Variants in MOB4 observed in about 807,000 individuals in gnomAD.
The protein encoded by MOB4 is MOB family member 4, phocein, also known as MOB-like protein phocein.
Under a neutral mutation model 32.2 loss-of-function variants are expected in MOB4, and 4 were observed. The observed-to-expected ratio is 0.12, with a 90% CI of 0.06 to 0.28. The LOEUF is 0.28. MOB4 is among the 10% of genes least tolerant of loss of function. The pLI is 1.00. For synonymous variants in MOB4, 88 were observed against 88.1 expected (o/e 1.00, Z 0.01); for missense variants, 158 against 271.2 (o/e 0.58, Z 2.93).
chr2:197,532,486 G>GGGTCTTGAATTAGCCTAGGC (rs1262780358), intron 2 of MOB4, among the ~76,000 whole-genome samples: 3 of 151,962 alleles, frequency 2.0e-5, no homozygotes, highest in African/African-American at 4.8e-5. Context: ...CTAGCTTAAG[G>GGGTCTTGAATTAGCCTAGGC]GGTCTTGAAT....
intron 1 of MOB4, among the ~76,000 whole-genome samples, chr2:197,520,986 A>T (rs1161291601): frequency 6.6e-6 from 1 of 151,672 alleles, no homozygotes; most frequent in Non-Finnish European, 1.5e-5. Context: ...TCTTTTTAAA[A>T]TTTTTGTGGG....
chr2:197,517,827 A>C (rs912894134), intron 1 of MOB4, among the ~76,000 whole-genome samples: 2 of 152,186 alleles, frequency 1.3e-5, no homozygotes, highest in East Asian at 3.8e-4. Context: ...CTATTGGGTC[A>C]AAAGAAAAAA....
chr2:197,547,704 T>C (rs1386073984), intron 5 of MOB4, among the ~76,000 whole-genome samples: 1 of 152,204 alleles, frequency 6.6e-6, no homozygotes, highest in East Asian at 1.9e-4. Flanking sequence ...GTTGACTCCC[T>C]GGTTTGTTTC....
rs2087092416 is a variant in MOB4 at position 197,551,228 on chromosome 2, C to T, written c.*582C>T. The T allele has an allele frequency of 6.6e-6, 1 of 152,300 alleles. No individual in the cohort carries two copies. Among genetic ancestry groups the T allele is most frequent in the African/African-American group, 2.4e-5 (1 of 41,402 alleles). The allele number at this position is 152,300 out of a possible 1,614,324, so 9.4% of individuals were successfully genotyped here. A position where few individuals can be genotyped will look rare whatever the true frequency, so the allele number is the denominator to read the frequency against. On this transcript the variant is annotated 3_prime_UTR_variant, in exon 8 of 8. Coordinates refer to ENST00000323303, the MANE Select transcript of MOB4 (RefSeq NM_015387.5). ...GTAATACTTAAATAATTTTACTGTG[C>T]TACATAAAGTATAACATACTTGGAA...
intron 1 of MOB4, among the ~76,000 whole-genome samples, chr2:197,519,966 T>C (rs2086485280): frequency 6.6e-6 from 1 of 152,178 alleles, no homozygotes; most frequent in Admixed American, 6.5e-5. Context: ...ATAAAATTAG[T>C]TCATTTTCAT....
At chr2:197,524,076 C>A (rs1339452064) in intron 2 of MOB4, among the ~76,000 whole-genome samples, 1 of 152,184 alleles carries the variant, frequency 6.6e-6, no homozygotes, top group East Asian at 1.9e-4. Context: ...CCTGTTTCTA[C>A]GAAAAGATAA....
intron 2 of MOB4, among the ~76,000 whole-genome samples, chr2:197,528,632 T>G (rs1432035402): frequency 6.7e-6 from 1 of 149,938 alleles, no homozygotes; most frequent in Non-Finnish European, 1.5e-5. Flanking sequence ...TTTTTTTTTT[T>G]TGAGACGGAG....
At chr2:197,549,341 A>G (rs2106140445) in intron 6 of MOB4, among the ~76,000 whole-genome samples, 1 of 152,220 alleles carries the variant, frequency 6.6e-6, no homozygotes, top group Admixed American at 6.5e-5. Context: ...GAAGTTTGTG[A>G]CTGCCTTTTA....
chr2:197,531,369 A>G (rs1423147169), intron 2 of MOB4, among the ~76,000 whole-genome samples: 2 of 151,920 alleles, frequency 1.3e-5, no homozygotes, highest in Non-Finnish European at 2.9e-5. Flanking sequence ...TAAAGTGTAC[A>G]GTTCTGTGGC....
intron 2 of MOB4, among the ~76,000 whole-genome samples, chr2:197,524,530 C>CAAAAAAAAAAA (rs58552334): frequency 2.8e-5 from 3 of 108,962 alleles, no homozygotes; most frequent in African/African-American, 6.7e-5. Flanking sequence ...GACTCTGTCT[C>CAAAAAAAAAAA]AAAAAAAAAA....
At position 197,535,168 on chromosome 2, in the gene MOB4, A is replaced by G. The variant is rs536810328; in HGVS notation, c.124-362A>G. ...AGCCCAGGAGGTGGATATTGCAGTG[A>G]TCTGAGATTGTGCCACTGTACTCCA... On this transcript the variant is annotated intron_variant, in intron 2 of 7. Coordinates refer to ENST00000323303, the MANE Select transcript of MOB4 (RefSeq NM_015387.5). Among the ~76,000 whole-genome samples the G allele has an allele frequency of 2.7e-5, 4 of 150,902 alleles. No homozygotes were observed. In the East Asian group the frequency reaches 7.9e-4, roughly 30 times the overall value.
At chr2:197,516,420 C>A in intron 1 of MOB4, 1 of 1,357,728 alleles carries the variant, frequency 7.4e-7, no homozygotes, top group Non-Finnish European at 9.6e-7. Context: ...GGGCTGCGAG[C>A]CTGTCAGCAG....
In MOB4 at chr2:197,535,649, A is replaced by C. The variant is rs750219281; in HGVS notation, c.224+19A>C. Reference sequence around the variant, plus strand: ...ATTTAAGGTAGGACCTTACATCAAAATACTAATAGTACCTCTCACAAAACT... The same window carrying C: ...ATTTAAGGTAGGACCTTACATCAAACTACTAATAGTACCTCTCACAAAACT... On this transcript the variant is annotated intron_variant, in intron 3 of 7. Transcript: ENST00000323303. 1.2e-5 allele frequency: 19 copies of C among 1,594,168 alleles called. No individual in the cohort carries two copies. In the African/African-American group the frequency reaches 2.3e-4, roughly 19 times the overall value.
Position 197,550,142 on chromosome 2 carries a change from G to A in MOB4, c.435-133G>A, listed in dbSNP as rs915543868. On this transcript the variant is annotated intron_variant, in intron 6 of 7. Transcript: ENST00000323303. ...GAGCAGGGGCTCCAGGCATTTACTCGCAGTGTGACCTTGGAGTAGTCGCTT... is the reference window on the plus strand; with the variant it reads ...GAGCAGGGGCTCCAGGCATTTACTCACAGTGTGACCTTGGAGTAGTCGCTT... The A allele has an allele frequency of 1.1e-4, 74 of 698,844 alleles. No individual in the cohort carries two copies. The East Asian group carries it at 1.2e-3, about 12-fold the overall frequency. 43.3% of individuals were successfully genotyped at this position (698,844 alleles called of 1,614,324 possible).
chr2:197,537,239 T>C (rs2086815973), intron 3 of MOB4, among the ~76,000 whole-genome samples: 1 of 152,212 alleles, frequency 6.6e-6, no homozygotes, highest in Non-Finnish European at 1.5e-5. Flanking sequence ...TAGGTGGAGA[T>C]AACATTAAAA....
chr2:197,546,438 C>T (rs544336089), intron 5 of MOB4, among the ~76,000 whole-genome samples: 1 of 152,080 alleles, frequency 6.6e-6, no homozygotes, highest in East Asian at 1.9e-4. Context: ...ACCCTGTTAT[C>T]CAGGCTGGAA....
chr2:197,515,941 C>G (rs1449224275), upstream of MOB4: 5 of 798,220 alleles, frequency 6.3e-6, no homozygotes, highest in Non-Finnish European at 9.8e-6. Flanking sequence ...CCCGCTTCTA[C>G]CCGGACGGCT....
chr2:197,553,038 T>C lies in MOB4; in HGVS notation c.*2392T>C, dbSNP rs902074098. ...ATAAGTAACCCTTCTTTTGTGTGTA[T>C]ACATTTCCTTTTCTCTGACTTGAGA... On this transcript the variant is annotated 3_prime_UTR_variant, in exon 8 of 8. Coordinates refer to ENST00000323303, the MANE Select transcript of MOB4 (RefSeq NM_015387.5). 1 of 152,260 alleles carries C rather than the reference T, an allele frequency of 6.6e-6. No individual in the cohort carries two copies. The highest frequency in any genetic ancestry group is 2.4e-5 in the African/African-American group (1 of 41,458). The allele number at this position is 152,260 out of a possible 1,614,324, so 9.4% of individuals were successfully genotyped here.
Position 197,516,114 on chromosome 2 carries a change from C to T in MOB4, c.28C>T (p.Leu10=), listed in dbSNP as rs748756034. The T allele has an allele frequency of 3.1e-6, 5 of 1,603,936 alleles. No individual in the cohort carries two copies. Among genetic ancestry groups the T allele is most frequent in the East Asian group, 4.5e-5 (2 of 44,242 alleles). The change falls in exon 1 of 8, where the codon CTG becomes TTG. Residue 10 remains leucine, a synonymous_variant. Coordinates refer to ENST00000323303, the MANE Select transcript of MOB4 (RefSeq NM_015387.5). ...GGTCATGGCGGAGGGGACGGCAGTGCTGAGGCGGAACAGGCCGGGCACCAA... is the reference window on the plus strand; with the variant it reads ...GGTCATGGCGGAGGGGACGGCAGTGTTGAGGCGGAACAGGCCGGGCACCAA... MVMAEGTAV[L]RRNRPGTKAQ... is the part of the protein sequence containing the mutation.
Sources: gnomAD v4.1 joint callset for allele counts (sites outside exome capture counted in the v4.1 genomes callset) on GRCh38, gnomAD v4.1.1 for gene constraint, MANE v1.5 for transcripts, NCBI Gene and HGNC (gene_info 2026-07-23, HGNC 2026-07-21) for gene names.